COL6A5: variants seen among roughly 807,000 people sequenced by gnomAD.
COL6A5 encodes the protein collagen type VI alpha 5 chain.
COL6A5 carries 48 observed loss-of-function variants against 65.6 expected under a neutral mutation model. That is an observed-to-expected ratio of 0.73 (90% confidence interval 0.58 to 0.93). The LOEUF is 0.93. Among genes scored for constraint, COL6A5 ranks in the 40% least tolerant of loss-of-function variants. The probability of loss-of-function intolerance (pLI) is 0.00; values close to 1 mark genes in which losing one functional copy is unlikely to be tolerated. For missense variants in COL6A5, 914 were observed against 928.3 expected, an observed-to-expected ratio of 0.98 and a Z score of 0.20; for synonymous variants, 291 against 322.8, an observed-to-expected ratio of 0.90 and a Z score of 1.05.
chr3:130,421,351 G>A lies in COL6A5; in HGVS notation c.5028G>A (p.Ala1676=), dbSNP rs556293459. The change falls in exon 27 of 42, where the codon GCG becomes GCA. Residue 1676 remains alanine (A), a synonymous_variant and NMD_transcript_variant. Transcript: ENST00000312481. ...GCCCAAGAGGATTCCCTGGAGATGC[G>A]GGGCAGAAGGTATTGTATGCATGAC... is the stretch of plus-strand genomic sequence containing the variant. 6.9e-5 allele frequency: 107 copies of A among 1,550,582 alleles called. 1 individual carries two copies. In the East Asian group the frequency reaches 9.3e-4, roughly 13 times the overall value.
At chr3:130,429,078 G>A (rs1287187518), upstream of COL6A5, among the ~76,000 whole-genome samples, 4 of 151,990 alleles carry the variant, frequency 2.6e-5, no homozygotes, top group African/African-American at 9.7e-5. Flanking sequence ...CTCAAACAGA[G>A]GAGCTGTTTT....
At chr3:130,455,873 C>T (rs573029037) in intron 5 of COL6A5, among the ~76,000 whole-genome samples, 1 of 152,220 alleles carries the variant, frequency 6.6e-6, no homozygotes, top group Admixed American at 6.5e-5. Flanking sequence ...TAGAACCTCT[C>T]AGAAATGTCC....
exon 6 of COL6A5, chr3:130,388,660 A>G: frequency 1.3e-6 from 2 of 1,551,244 alleles, no homozygotes; most frequent in Non-Finnish European, 1.7e-6. Flanking sequence ...TAGGAAAATG[A>G]AAATCTTCAT....
At chr3:130,442,589 C>T (rs1181015500) in intron 3 of COL6A5, among the ~76,000 whole-genome samples, 2 of 152,150 alleles carry the variant, frequency 1.3e-5, no homozygotes, top group Non-Finnish European at 2.9e-5. Flanking sequence ...AGTGAAAAGG[C>T]TCCTCTGCTG....
exon 5 of COL6A5, chr3:130,384,804 G>T (rs760642223): frequency 6.5e-7 from 1 of 1,534,788 alleles, no homozygotes; most frequent in South Asian, 1.2e-5. Flanking sequence ...TCTTTTTCAG[G>T]CTGTGTGGAT....
At chr3:130,463,476 C>G (rs773104598) in intron 5 of COL6A5, among the ~76,000 whole-genome samples, 16 of 152,058 alleles carry the variant, frequency 1.1e-4, no homozygotes, top group Admixed American at 1.3e-4. Flanking sequence ...CCTTTCCACC[C>G]CCGCTTCTCC....
chr3:130,458,443 G>A (rs988927983), intron 5 of COL6A5, among the ~76,000 whole-genome samples: 1 of 152,066 alleles, frequency 6.6e-6, no homozygotes, highest in Non-Finnish European at 1.5e-5. Flanking sequence ...CATCACCTGG[G>A]AACTCATTAG....
chr3:130,414,351 C>G (rs754867831), intron 22 of COL6A5, among the ~76,000 whole-genome samples: 1 of 152,050 alleles, frequency 6.6e-6, no homozygotes, highest in Non-Finnish European at 1.5e-5. Flanking sequence ...TGCTCTTGTG[C>G]TCACCTGGTA....
At chr3:130,373,567 T>A in intron 1 of COL6A5, 44 bp from the exon 2 acceptor site, 1 of 886,972 alleles carries the variant, frequency 1.1e-6, no homozygotes, top group Non-Finnish European at 1.8e-6. Flanking sequence ...TACTTAATGG[T>A]ATAAAATAAA....
intron 11 of COL6A5, among the ~76,000 whole-genome samples, chr3:130,401,513 A>G (rs1395395850): frequency 1.3e-5 from 2 of 152,230 alleles, no homozygotes; most frequent in African/African-American, 2.4e-5. Flanking sequence ...GGCCATGGCC[A>G]TCCACATACT....
chr3:130,414,606 C>T (rs964613760), intron 22 of COL6A5, among the ~76,000 whole-genome samples: 1 of 152,058 alleles, frequency 6.6e-6, no homozygotes, highest in African/African-American at 2.4e-5. Flanking sequence ...CTTTCATGGT[C>T]ATATCATTAG....
chr3:130,405,931 G>A (rs1288304822), intron 14 of COL6A5, 62 bp from the exon 15 acceptor site: 3 of 1,460,932 alleles, frequency 2.1e-6, no homozygotes, highest in Admixed American at 3.9e-5. Context: ...CTTTAGAGAG[G>A]CAGTCTTTGA....
intron 5 of COL6A5, among the ~76,000 whole-genome samples, chr3:130,386,324 A>G (rs1292927946): frequency 1.3e-5 from 2 of 152,078 alleles, no homozygotes; most frequent in Non-Finnish European, 2.9e-5. Context: ...GAGCAGTTAG[A>G]GGAGTGCCTG....
At chr3:130,384,929 CCAGA>C (rs1291334050) in exon 5 of COL6A5, 8 of 1,550,790 alleles carry the variant, frequency 5.2e-6, no homozygotes, top group Non-Finnish European at 7.0e-6. Flanking sequence ...TAGCATTGGC[CCAGA>C]CAAAGTCCGA....
rs146184784 is a variant in COL6A5 at position 130,366,976 on chromosome 3, C to T, written c.-28-6635C>T. Among the ~76,000 whole-genome samples, 37 of 152,286 alleles carry T rather than the reference C, an allele frequency of 2.4e-4. 1 individual carries two copies. The East Asian group carries it at 5.2e-3, about 21-fold the overall frequency. ...TCATCTTTTCATGCCACTGTCCTGG[C>T]TCCCCAAATAGATTGTGTGCTCTTG... On this transcript the variant is annotated intron_variant and NMD_transcript_variant, in intron 1 of 41. Coordinates refer to the COL6A5 transcript ENST00000312481.
chr3:130,370,225 T>C (rs1348586757), intron 1 of COL6A5, among the ~76,000 whole-genome samples: 4 of 152,194 alleles, frequency 2.6e-5, no homozygotes, highest in Non-Finnish European at 5.9e-5. Flanking sequence ...GGTCTGTATA[T>C]TCTAAATATT....
chr3:130,401,004 A>G, intron 10 of COL6A5, 27 bp from the exon 11 acceptor site: 1 of 1,507,324 alleles, frequency 6.6e-7, no homozygotes, highest in Non-Finnish European at 8.9e-7. Flanking sequence ...CCTTTGCTTT[A>G]TTTATATTGT....
chr3:130,416,704 C>T (rs1577487463), intron 23 of COL6A5, 53 bp from the exon 24 acceptor site: 1 of 994,442 alleles, frequency 1.0e-6, no homozygotes, highest in Non-Finnish European at 1.5e-6. Flanking sequence ...TTCTAATGGG[C>T]TTTCTAAGAA....
At chr3:130,379,450 C>T (rs1935908787) in exon 4 of COL6A5, 3 of 1,551,178 alleles carry the variant, frequency 1.9e-6, no homozygotes, top group Non-Finnish European at 2.6e-6. Flanking sequence ...GAAAGATTCA[C>T]TCGCTGACCT....
Sources: allele counts gnomAD v4.1 joint callset (sites outside exome capture counted in the v4.1 genomes callset), GRCh38; gene constraint gnomAD v4.1.1; transcripts MANE v1.5; gene names NCBI Gene and HGNC (gene_info 2026-07-23, HGNC 2026-07-21).